Variants in NR2F1-AS1 observed in about 807,000 individuals in gnomAD.
The protein encoded by NR2F1-AS1 is NR2F1 regulatory antisense RNA 1.
chr5:93,430,530 T>G (rs1299755411), intron 4 of NR2F1-AS1, among the ~76,000 whole-genome samples: 1 of 152,144 alleles, frequency 6.6e-6, no homozygotes, highest in Non-Finnish European at 1.5e-5. Flanking sequence ...GATATATACA[T>G]ATACACCATT....
chr5:93,440,237 G>C (rs370788286), intron 4 of NR2F1-AS1, among the ~76,000 whole-genome samples: 2,395 of 150,012 alleles, frequency 0.016, 68 homozygotes, highest in African/African-American at 0.057. Context: ...CACACACACA[G>C]AGAAAGTTAA....
chr5:93,582,361 C>G (rs1475512154), upstream of NR2F1-AS1, among the ~76,000 whole-genome samples: 1 of 151,666 alleles, frequency 6.6e-6, no homozygotes. Context: ...ACCCTTGATT[C>G]CGATCGAATT....
chr5:93,460,334 C>T (rs574877646), intron 4 of NR2F1-AS1, among the ~76,000 whole-genome samples: 17 of 152,180 alleles, frequency 1.1e-4, no homozygotes, highest in South Asian at 6.2e-4. Context: ...CACGCAGCAC[C>T]GGGAAGGCTT....
chr5:93,569,882 C>T (rs1205829582), intron 1 of NR2F1-AS1: 2 of 152,142 alleles, frequency 1.3e-5, no homozygotes, highest in African/African-American at 4.8e-5. Context: ...CACTCTTCTC[C>T]ACATTACCTG....
In NR2F1-AS1 at chr5:93,424,872, T is replaced by A. The variant is rs572679924; in HGVS notation, n.639-29330A>T. On this transcript the variant is annotated intron_variant and non_coding_transcript_variant, in intron 4 of 5. Transcript: ENST00000660523. Reference sequence around the variant, plus strand: ...ATCTATTCAGGTAGTGTGAGATGTTTTAAAAAAGATAAAAGCAGTACATGA... The same window carrying A: ...ATCTATTCAGGTAGTGTGAGATGTTATAAAAAAGATAAAAGCAGTACATGA... Among the ~76,000 whole-genome samples the A allele has an allele frequency of 3.2e-4, 49 of 152,228 alleles. 1 individual carries two copies. In the South Asian group the frequency reaches 8.9e-3, roughly 28 times the overall value.
chr5:93,453,257 C>T (rs1749875753), intron 4 of NR2F1-AS1, among the ~76,000 whole-genome samples: 1 of 151,674 alleles, frequency 6.6e-6, no homozygotes, highest in Non-Finnish European at 1.5e-5. Context: ...ATAGAAGCTA[C>T]CCAGAACAAA....
At chr5:93,445,853 T>G (rs1749692599) in intron 4 of NR2F1-AS1, among the ~76,000 whole-genome samples, 1 of 152,130 alleles carries the variant, frequency 6.6e-6, no homozygotes, top group African/African-American at 2.4e-5. Flanking sequence ...TTATCCACCA[T>G]GATCAAGTGG....
At chr5:93,569,749 C>A (rs1309151561) in intron 1 of NR2F1-AS1, 1 of 152,194 alleles carries the variant, frequency 6.6e-6, no homozygotes, top group Non-Finnish European at 1.5e-5. Context: ...AGACCCCAGT[C>A]GGGCTCCATA....
At chr5:93,486,092 A>G (rs1409501340) in intron 4 of NR2F1-AS1, among the ~76,000 whole-genome samples, 1 of 122,812 alleles carries the variant, frequency 8.1e-6, no homozygotes, top group Non-Finnish European at 1.7e-5. Context: ...GAAGGGGAAC[A>G]TCACACTCTG....
intron 1 of NR2F1-AS1, among the ~76,000 whole-genome samples, chr5:93,572,709 G>C (rs1752801965): frequency 6.6e-6 from 1 of 152,202 alleles, no homozygotes; most frequent in South Asian, 2.1e-4. Flanking sequence ...GCCGGTGTTT[G>C]GGGGTGGTTG....
At chr5:93,453,565 A>G (rs1269233295) in intron 4 of NR2F1-AS1, among the ~76,000 whole-genome samples, 2 of 152,180 alleles carry the variant, frequency 1.3e-5, no homozygotes, top group Admixed American at 6.5e-5. Context: ...TCTGGAAATG[A>G]GAAATAAAGA....
chr5:93,412,606 C>T (rs1044061712), intron 4 of NR2F1-AS1, among the ~76,000 whole-genome samples: 1 of 152,232 alleles, frequency 6.6e-6, no homozygotes, highest in Non-Finnish European at 1.5e-5. Flanking sequence ...TCAGAGCTGG[C>T]ATCTGCCCTG....
chr5:93,464,927 T>C (rs1220230264), intron 4 of NR2F1-AS1, among the ~76,000 whole-genome samples: 2 of 152,230 alleles, frequency 1.3e-5, no homozygotes, highest in African/African-American at 4.8e-5. Flanking sequence ...AAAACAGACC[T>C]TCAGTAGTAT....
chr5:93,449,628 C>T (rs1240989290), intron 4 of NR2F1-AS1, among the ~76,000 whole-genome samples: 1 of 152,064 alleles, frequency 6.6e-6, no homozygotes, highest in Admixed American at 6.6e-5. Context: ...ATAAATCTTA[C>T]TTTATTTTAA....
intron 2 of NR2F1-AS1, among the ~76,000 whole-genome samples, chr5:93,559,250 A>G (rs1449396057): frequency 6.6e-6 from 1 of 152,182 alleles, no homozygotes; most frequent in Non-Finnish European, 1.5e-5. Context: ...TCTGGAAACC[A>G]CTTCTCTCCT....
chr5:93,418,336 C>T (rs1157456275), intron 4 of NR2F1-AS1, among the ~76,000 whole-genome samples: 3 of 152,118 alleles, frequency 2.0e-5, no homozygotes, highest in Admixed American at 1.3e-4. Flanking sequence ...CACCTGTAAT[C>T]CCAGCACTTT....
chr5:93,434,849 A>G (rs980669051), intron 4 of NR2F1-AS1, among the ~76,000 whole-genome samples: 1 of 152,150 alleles, frequency 6.6e-6, no homozygotes. Context: ...TTTAGGTTAC[A>G]TATTTTGGAC....
intron 4 of NR2F1-AS1, among the ~76,000 whole-genome samples, chr5:93,505,529 G>A (rs772605599): frequency 1.9e-4 from 29 of 152,224 alleles, no homozygotes; most frequent in Non-Finnish European, 3.8e-4. Flanking sequence ...ACTTTTGTCT[G>A]TGCATCCTGG....
intron 4 of NR2F1-AS1, among the ~76,000 whole-genome samples, chr5:93,506,200 T>C (rs1417864474): frequency 6.6e-6 from 1 of 152,182 alleles, no homozygotes; most frequent in Non-Finnish European, 1.5e-5. Flanking sequence ...TCACCTTTGC[T>C]CCAGTTCCCA....
Sources: gnomAD v4.1 joint callset for allele counts (sites outside exome capture counted in the v4.1 genomes callset) on GRCh38, gnomAD v4.1.1 for gene constraint, MANE v1.5 for transcripts, NCBI Gene and HGNC (gene_info 2026-07-23, HGNC 2026-07-21) for gene names.